USP8: variants seen among roughly 807,000 people sequenced by gnomAD.
USP8 encodes ubiquitin carboxyl-terminal hydrolase 8.
USP8 carries 27 observed loss-of-function variants against 130.0 expected under a neutral mutation model. The ratio of observed to expected loss-of-function variants is 0.21; its 90% confidence interval spans 0.15 to 0.29. The LOEUF (loss-of-function observed/expected upper bound fraction) is 0.29. USP8 is among the 10% of genes least tolerant of loss of function. The pLI is 1.00. For missense variants in USP8, 1,029 were observed against 1,312.2 expected, an observed-to-expected ratio of 0.78 and a Z score of 3.33; for synonymous variants, 392 against 444.1, an observed-to-expected ratio of 0.88 and a Z score of 1.48.
intron 16 of USP8, 138 bp downstream of exon 16, chr15:50,494,418 A>G: frequency 1.5e-6 from 1 of 681,204 alleles, no homozygotes; most frequent in Non-Finnish European, 2.3e-6. Context: ...TAAGAGAATT[A>G]TAAAACATCA....
At chr15:50,457,754 A>G (rs961618668) in intron 4 of USP8, among the ~76,000 whole-genome samples, 5 of 149,824 alleles carry the variant, frequency 3.3e-5, no homozygotes, top group African/African-American at 9.8e-5. Flanking sequence ...CCAGCTACTC[A>G]GGAGGCTGAG....
At chr15:50,432,012 C>G in intron 1 of USP8, among the ~76,000 whole-genome samples, 1 of 152,140 alleles carries the variant, frequency 6.6e-6, no homozygotes, top group East Asian at 1.9e-4. Context: ...AGGCCAGGTT[C>G]TCTCTCTCAT....
rs562527783 is a variant in USP8 at position 50,450,320 on chromosome 15, C to T, written c.335+835C>T. Among the ~76,000 whole-genome samples the T allele has an allele frequency of 8.6e-5, 13 of 152,022 alleles. No individual in the cohort carries two copies. In the South Asian group the frequency reaches 2.5e-3, roughly 29 times the overall value. ...TATAGGAATGAAGTATTTACTGTTA[C>T]TTTTGATCTGCTTAGTTACAGAAGT... On this transcript the variant is annotated intron_variant, in intron 4 of 19. Coordinates refer to ENST00000307179, the MANE Select transcript of USP8 (RefSeq NM_005154.5).
At chr15:50,484,438 C>A in intron 12 of USP8, 77 bp downstream of exon 12, 1 of 1,154,262 alleles carries the variant, frequency 8.7e-7, no homozygotes, top group Non-Finnish European at 1.3e-6. Context: ...TCTTACCACA[C>A]TGCTATCTTT....
In USP8 at chr15:50,507,738, A is replaced by C. The variant is rs1054917082; in HGVS notation, c.*8650A>C. 1 of 152,052 alleles carries C rather than the reference A, an allele frequency of 6.6e-6. No homozygotes were observed. Among genetic ancestry groups the C allele is most frequent in the Non-Finnish European group, 1.5e-5 (1 of 68,008 alleles). The allele number at this position is 152,052 out of a possible 1,614,324, so 9.4% of individuals were successfully genotyped here. ...CAATATATACTTAGATGAGTATCTG[A>C]CTCCTGAAATAGAAGTGCACTGTCT... On this transcript the variant is annotated 3_prime_UTR_variant, in exon 20 of 20. Coordinates refer to ENST00000307179, the MANE Select transcript of USP8 (RefSeq NM_005154.5).
At chr15:50,457,567 A>G (rs2050830999) in intron 4 of USP8, among the ~76,000 whole-genome samples, 2 of 150,448 alleles carry the variant, frequency 1.3e-5, no homozygotes, top group East Asian at 1.9e-4. Flanking sequence ...CAAAAAAGAA[A>G]AAAAAAAAAA....
chr15:50,476,973 A>C lies in USP8; in HGVS notation c.974A>C (p.Asn325Thr), dbSNP rs1257779924. The C allele has an allele frequency of 5.6e-6, 9 of 1,607,086 alleles. No individual in the cohort carries two copies. Among genetic ancestry groups the C allele is most frequent in the Non-Finnish European group, 6.8e-6 (8 of 1,178,684 alleles). ...AKVTPPPRRQNEEVSISLDFT... is the reference protein window; with the variant it reads ...AKVTPPPRRQTEEVSISLDFT... ...GTCACTCCACCCCCACGACGCCAGA[A>C]TGAAGAGGTGTCTATCTCATGTATG... The change falls in exon 9 of 20, where the codon AAT becomes ACT. Residue 325 changes from asparagine (N) to threonine (T), a missense_variant. Asn to Thr is a moderately conservative substitution (Grantham distance 65). Coordinates refer to ENST00000307179, the MANE Select transcript of USP8 (RefSeq NM_005154.5).
Position 50,497,017 on chromosome 15 carries a change from CTAAA to C in USP8, c.2896-69_2896-66del. ...TCACTGGTGCCTGCAGAGTGACTAA[CTAAA>C]TAGGTGCTCTCTGACATTATTGAAG... On this transcript the variant is annotated intron_variant, in intron 17 of 19. Coordinates refer to ENST00000307179, the MANE Select transcript of USP8 (RefSeq NM_005154.5). 3 of 1,525,276 alleles carry C rather than the reference CTAAA, an allele frequency of 2.0e-6. No individual in the cohort carries two copies. The South Asian group carries it at 3.9e-5, about 20-fold the overall frequency. The allele number at this position is 1,525,276 out of a possible 1,614,324, so 94.5% of individuals were successfully genotyped here. A position where few individuals can be genotyped will look rare whatever the true frequency, so the allele number is the denominator to read the frequency against.
At position 50,465,181 on chromosome 15, in the gene USP8, A is replaced by G; in HGVS notation, c.676A>G (p.Ile226Val). The G allele has an allele frequency of 6.2e-7, 1 of 1,613,794 alleles. No homozygotes were observed. Among genetic ancestry groups the G allele is most frequent in the Non-Finnish European group, 8.5e-7 (1 of 1,179,758 alleles). ...TTCTCTCAGTGTTCCTGAAGAAGCC[A>G]TCAGTCCAGGGTGGGTTATTGTGTA... ...LHSLSVPEEA[I>V]SPGVTASWIE... The change falls in exon 7 of 20, where the codon ATC (isoleucine) becomes GTC (valine). Residue 226 changes from isoleucine to valine, a missense_variant. Physicochemically the swap from Ile to Val is conservative, Grantham distance 29. Coordinates refer to ENST00000307179, the MANE Select transcript of USP8 (RefSeq NM_005154.5).
chr15:50,436,434 A>C (rs1192733128), intron 1 of USP8, among the ~76,000 whole-genome samples: 1 of 152,100 alleles, frequency 6.6e-6, no homozygotes, highest in Non-Finnish European at 1.5e-5. Flanking sequence ...GTTTGATATC[A>C]TACTATGCTG....
intron 14 of USP8, among the ~76,000 whole-genome samples, chr15:50,491,492 G>A (rs953792191): frequency 1.3e-5 from 2 of 152,124 alleles, no homozygotes; most frequent in African/African-American, 4.8e-5. Context: ...ATTTGATAAT[G>A]TTTTAAGGAC....
Position 50,506,028 on chromosome 15 carries a change from C to T in USP8, c.*6940C>T, listed in dbSNP as rs1566900994. ...ACAGTGTTCTAAGAGCTTTCCATTTCTTTGGGAGCAGAGTATAAAGATCTT... is the reference window on the plus strand; with the variant it reads ...ACAGTGTTCTAAGAGCTTTCCATTTTTTTGGGAGCAGAGTATAAAGATCTT... On this transcript the variant is annotated 3_prime_UTR_variant, in exon 20 of 20. Transcript: ENST00000307179. The T allele has an allele frequency of 6.6e-6, 1 of 152,180 alleles. No homozygotes were observed. Among genetic ancestry groups the T allele is most frequent in the African/African-American group, 2.4e-5 (1 of 41,452 alleles). 9.4% of individuals were successfully genotyped at this position (152,180 alleles called of 1,614,324 possible). A position where few individuals can be genotyped will look rare whatever the true frequency, so the allele number is the denominator to read the frequency against.
At chr15:50,443,317 G>A (rs1402644387) in intron 3 of USP8, among the ~76,000 whole-genome samples, 1 of 152,020 alleles carries the variant, frequency 6.6e-6, no homozygotes, top group East Asian at 1.9e-4. Context: ...GGGATTACAG[G>A]CGTGATCCTG....
chr15:50,511,891 G>A lies in USP8; in HGVS notation c.*12803G>A, dbSNP rs917428384. The A allele has an allele frequency of 8.5e-5, 13 of 152,388 alleles. No individual in the cohort carries two copies. Among genetic ancestry groups the A allele is most frequent in the African/African-American group, 2.4e-4 (10 of 41,562 alleles). The allele number at this position is 152,388 out of a possible 1,614,324, so 9.4% of individuals were successfully genotyped here. On this transcript the variant is annotated 3_prime_UTR_variant, in exon 20 of 20. Transcript: ENST00000307179. Reference sequence around the variant, plus strand: ...TGCACACCTGTGGTCCCAGCTACTCGAGGGAGGGAGGAGGGAAGATCACTT... The same window carrying A: ...TGCACACCTGTGGTCCCAGCTACTCAAGGGAGGGAGGAGGGAAGATCACTT...
chr15:50,453,455 A>C (rs1046489189), intron 4 of USP8, among the ~76,000 whole-genome samples: 2 of 152,156 alleles, frequency 1.3e-5, no homozygotes, highest in African/African-American at 4.8e-5. Context: ...GATTCTTCTT[A>C]TATCTTATTG....
rs985126491 is a variant in USP8, at chr15:50,501,028, T to C, written c.*1940T>C. 15 of 547,818 alleles carry C rather than the reference T, an allele frequency of 2.7e-5. No homozygotes were observed. The highest frequency in any genetic ancestry group is 9.2e-5 in the East Asian group (3 of 32,466). The allele number at this position is 547,818 out of a possible 1,614,324, so 33.9% of individuals were successfully genotyped here. ...CTTCTCATTTCATTGTAACTACTTA[T>C]ATGTTGTGCCCATTGACTATCATCT... On this transcript the variant is annotated 3_prime_UTR_variant, in exon 20 of 20. Transcript: ENST00000307179.
In USP8 at chr15:50,500,368, G is replaced by A. The variant is rs1470436346; in HGVS notation, c.*1280G>A. 2 of 158,880 alleles carry A rather than the reference G, an allele frequency of 1.3e-5. No individual in the cohort carries two copies. Among genetic ancestry groups the A allele is most frequent in the Non-Finnish European group, 2.8e-5 (2 of 71,848 alleles). 9.8% of individuals were successfully genotyped at this position (158,880 alleles called of 1,614,324 possible). A position where few individuals can be genotyped will look rare whatever the true frequency, so the allele number is the denominator to read the frequency against. On this transcript the variant is annotated 3_prime_UTR_variant, in exon 20 of 20. Coordinates refer to ENST00000307179, the MANE Select transcript of USP8 (RefSeq NM_005154.5). ...TATATATGATTATGAGATATTTTCTGATAAACACTGAATTTTGAAACCTGA... is the reference window on the plus strand; with the variant it reads ...TATATATGATTATGAGATATTTTCTAATAAACACTGAATTTTGAAACCTGA...
At chr15:50,484,579 T>C (rs2051887702) in intron 12 of USP8, among the ~76,000 whole-genome samples, 5 of 152,214 alleles carry the variant, frequency 3.3e-5, no homozygotes, top group Admixed American at 3.3e-4. Flanking sequence ...TGTGACAGCG[T>C]ATTCTATTTA....
At chr15:50,495,666 G>A (rs2141326348) in intron 16 of USP8, among the ~76,000 whole-genome samples, 182 bp from the exon 17 acceptor site, 1 of 152,220 alleles carries the variant, frequency 6.6e-6, no homozygotes, top group African/African-American at 2.4e-5. Flanking sequence ...AATAAAGTGA[G>A]TGAGTTTTTT....
Sources: gnomAD v4.1 joint callset for allele counts (sites outside exome capture counted in the v4.1 genomes callset) on GRCh38, gnomAD v4.1.1 for gene constraint, MANE v1.5 for transcripts, NCBI Gene and HGNC (gene_info 2026-07-23, HGNC 2026-07-21) for gene names.